GRIN2C: variants seen among roughly 807,000 people sequenced by gnomAD.
GRIN2C encodes the protein glutamate receptor ionotropic, NMDA 2C.
A neutral mutation model predicts 77.7 loss-of-function variants in GRIN2C; 64 were observed. That is an observed-to-expected ratio of 0.82 (90% CI 0.67 to 1.01). The LOEUF is 1.01. Ranked by LOEUF, GRIN2C falls within the 50% of genes least tolerant of loss-of-function variation. The pLI is 0.00. For missense variants in GRIN2C, 1,549 were observed against 1,486.0 expected, an observed-to-expected ratio of 1.04 and a Z score of -0.70; for synonymous variants, 792 against 643.4, an observed-to-expected ratio of 1.23 and a Z score of -3.49.
chr17:74,846,282 G>C lies in GRIN2C; in HGVS notation c.2163-29C>G, dbSNP rs1430889308. Reference sequence around the variant, plus strand: ...GGGACAGGCTGAGCCTCAGAGCTAGGGACCATATGGGAGGGGAGGGGACAC... The same window carrying C: ...GGGACAGGCTGAGCCTCAGAGCTAGCGACCATATGGGAGGGGAGGGGACAC... On this transcript the variant is annotated intron_variant, in intron 10 of 12. Coordinates refer to ENST00000293190, the MANE Select transcript of GRIN2C (RefSeq NM_000835.6). The surrounding 1 kb of genome is among the most constrained non-coding windows in gnomAD (Gnocchi z 4.4). 3 of 1,600,668 alleles carry C rather than the reference G, an allele frequency of 1.9e-6. No homozygotes were observed. The African/African-American group carries it at 4.0e-5, about 21-fold the overall frequency.
Position 74,854,925 on chromosome 17 carries a change from C to T in GRIN2C, c.168G>A (p.Leu56=), listed in dbSNP as rs2037771607. 6.2e-7 allele frequency: 1 copy of T among 1,613,664 alleles called. No homozygotes were observed. The highest frequency in any genetic ancestry group is 1.3e-5 in the African/African-American group (1 of 75,048). The change falls in exon 2 of 13, where the codon CTG becomes CTA. Residue 56 remains leucine, a synonymous_variant. Transcript: ENST00000293190. ...FRARLTPQSF[L]DLPLEIQPLT... The stretch of plus-strand genomic sequence containing the variant: ...GCGGCTGGATCTCCAGGGGTAGGTC[C>T]AGGAAGCTCTGGGGGGTGAGGCGGG...
intron 2 of GRIN2C, chr17:74,854,190 T>A (rs1365288643): frequency 6.5e-6 from 1 of 153,446 alleles, no homozygotes; most frequent in African/African-American, 2.4e-5. Context: ...CCTGTGTCTT[T>A]CCTTCAGAAC....
At chr17:74,861,270 C>T (rs1389555369), upstream of GRIN2C, among the ~76,000 whole-genome samples, 2 of 152,158 alleles carry the variant, frequency 1.3e-5, no homozygotes, top group African/African-American at 4.8e-5. Context: ...GGGTCCGGGT[C>T]CTCCAGCCGC....
chr17:74,843,762 C>G (rs1178990466), intron 12 of GRIN2C, among the ~76,000 whole-genome samples: 1 of 152,166 alleles, frequency 6.6e-6, no homozygotes, highest in African/African-American at 2.4e-5. Flanking sequence ...CCTAATCACT[C>G]TAGCTAGCAC....
chr17:74,859,313 T>C lies in GRIN2C; in HGVS notation c.-16+431A>G, dbSNP rs1598501985. ...CAGCATCTAGAAGGGTCTGAGCACC[T>C]TCCCAGGCTGGGGGCCTTCTCCTTC... On this transcript the variant is annotated intron_variant, in intron 1 of 12. Coordinates refer to ENST00000293190, the MANE Select transcript of GRIN2C (RefSeq NM_000835.6). The surrounding 1 kb of genome is among the most constrained non-coding windows in gnomAD (Gnocchi z 5.9). Among the ~76,000 whole-genome samples the C allele has an allele frequency of 6.6e-6, 1 of 152,236 alleles. No individual in the cohort carries two copies. Among genetic ancestry groups the C allele is most frequent in the East Asian group, 1.9e-4 (1 of 5,168 alleles).
At chr17:74,844,071 G>A (rs984370668) in intron 12 of GRIN2C, 13 of 1,037,356 alleles carry the variant, frequency 1.3e-5, no homozygotes, top group East Asian at 5.3e-5. Context: ...ATGGGTTTTC[G>A]CCATGTTGCC....
chr17:74,860,514 G>A (rs567584406), upstream of GRIN2C: 30 of 456,324 alleles, frequency 6.6e-5, no homozygotes, highest in African/African-American at 5.8e-4. Context: ...CCTTTGCTCC[G>A]CGTGTCCCCG....
Position 74,852,463 on chromosome 17 carries a change from C to T in GRIN2C, c.548G>A (p.Arg183His), listed in dbSNP as rs756711693. ...PGHALFLEGVRAVADASHVSW... is the reference protein window; with the variant it reads ...PGHALFLEGVHAVADASHVSW... ...CACGTGGCTGGCGTCGGCGACGGCG[C>T]GCACGCCCTCCAGGAAGAGCGCGTG... The change falls in exon 3 of 13, where the codon CGC (arginine) becomes CAC (histidine). Residue 183 changes from arginine (R) to histidine (H), a missense_variant. This residue lies in a region of GRIN2C where 382 missense variants were observed against 360.0 expected (regional missense o/e 1.06). Coordinates refer to ENST00000293190, the MANE Select transcript of GRIN2C (RefSeq NM_000835.6). The T allele has an allele frequency of 1.4e-5, 21 of 1,552,188 alleles. No homozygotes were observed. In the East Asian group the frequency reaches 5.3e-4, roughly 39 times the overall value.
upstream of GRIN2C, among the ~76,000 whole-genome samples, chr17:74,861,007 G>A (rs562696054): frequency 2.0e-5 from 3 of 152,184 alleles, no homozygotes; most frequent in South Asian, 2.1e-4. Flanking sequence ...CCCCACTCCC[G>A]GCCCTGTTCC....
Position 74,842,991 on chromosome 17 carries a change from A to AGCTCCGGTG in GRIN2C, c.3145_3146insCACCGGAGC (p.Glu1048_Leu1049insProProGlu), listed in dbSNP as rs139495021. ...CGGACCGAGCAGCGGCAGGTCCTCC[A>AGCTCCGGTG]GCTCCGGGAAGAGCGGGAGGAAGGG... On this transcript the variant is annotated inframe_insertion, in exon 13 of 13. Transcript: ENST00000293190. 2.7e-4 allele frequency: 137 copies of AGCTCCGGTG among 510,950 alleles called. 6 individuals carry two copies. In the South Asian group the frequency reaches 3.5e-3, roughly 13 times the overall value. 31.7% of individuals were successfully genotyped at this position (510,950 alleles called of 1,614,324 possible). A position where few individuals can be genotyped will look rare whatever the true frequency, so the allele number is the denominator to read the frequency against.
In GRIN2C at chr17:74,851,691, C is replaced by T. The variant is rs775975417; in HGVS notation, c.999G>A (p.Arg333=). The change falls in exon 4 of 13, where the codon AGG becomes AGA. Residue 333 remains arginine (R), a splice_region_variant and synonymous_variant. Coordinates refer to ENST00000293190, the MANE Select transcript of GRIN2C (RefSeq NM_000835.6). ...PVSPAREAFY[R]HLLNVTWEGR... Reference sequence around the variant, plus strand: ...CCTCCCAGGTGACATTCAGTAGGTGCCTGCCAGAGGGGAGAGATGCCTGCA... The same window carrying T: ...CCTCCCAGGTGACATTCAGTAGGTGTCTGCCAGAGGGGAGAGATGCCTGCA... 9 of 1,545,624 alleles carry T rather than the reference C, an allele frequency of 5.8e-6. No homozygotes were observed. Among genetic ancestry groups the T allele is most frequent in the Non-Finnish European group, 7.9e-6 (9 of 1,139,266 alleles).
intron 1 of GRIN2C, among the ~76,000 whole-genome samples, chr17:74,858,970 G>A (rs1490120094): frequency 1.3e-5 from 2 of 152,108 alleles, no homozygotes; most frequent in African/African-American, 2.4e-5. Context: ...CTAGGCGCAG[G>A]GACTGCGGCC....
chr17:74,843,874 C>CTTTTT (rs60038024), intron 12 of GRIN2C, among the ~76,000 whole-genome samples: 6 of 139,728 alleles, frequency 4.3e-5, no homozygotes, highest in African/African-American at 1.6e-4. Flanking sequence ...AGGACGTTGG[C>CTTTTT]TTTTTTTTTT....
In GRIN2C at chr17:74,842,668, GGTGGGC is replaced by G. The variant is rs780423227; in HGVS notation, c.3463_3468del (p.Ala1155_His1156del). On this transcript the variant is annotated inframe_deletion, in exon 13 of 13. Coordinates refer to ENST00000293190, the MANE Select transcript of GRIN2C (RefSeq NM_000835.6). ...CAGACAGCCCCCCAGCAAAATGGCA[GGTGGGC>G]GTGGGCGTGCAGGCAGACGTGCTGT... 4.2e-5 allele frequency: 31 copies of G among 738,386 alleles called. No individual in the cohort carries two copies. Among genetic ancestry groups the G allele is most frequent in the East Asian group, 2.1e-4 (8 of 38,804 alleles). 45.7% of individuals were successfully genotyped at this position (738,386 alleles called of 1,614,324 possible).
intron 11 of GRIN2C, 65 bp from the exon 12 acceptor site, chr17:74,844,573 C>T (rs1404517798): frequency 5.7e-6 from 9 of 1,571,324 alleles, no homozygotes; most frequent in Non-Finnish European, 6.9e-6. Context: ...CCTCACAAAG[C>T]TCACCACAAA....
chr17:74,849,140 C>T lies in GRIN2C; in HGVS notation c.1645+640G>A, dbSNP rs2037552387. ...AAGTGGTTTTTTTTTTCCTCTCTTC[C>T]GTGGCTGAGGAGCCTGCTCAGAGAG... On this transcript the variant is annotated intron_variant, in intron 7 of 12. Coordinates refer to ENST00000293190, the MANE Select transcript of GRIN2C (RefSeq NM_000835.6). This position sits in a 1 kb window ranked among gnomAD's most constrained non-coding sequence, Gnocchi z 4.6. 2.1e-5 allele frequency among the ~76,000 whole-genome samples: 3 copies of T among 140,844 alleles called. No individual in the cohort carries two copies. Among genetic ancestry groups the T allele is most frequent in the African/African-American group, 5.0e-5 (2 of 39,874 alleles). 92.4% of individuals were successfully genotyped at this position (140,844 alleles called of 152,430 possible). A position where few individuals can be genotyped will look rare whatever the true frequency, so the allele number is the denominator to read the frequency against.
At chr17:74,855,361 G>C (rs1314102222) in intron 1 of GRIN2C, among the ~76,000 whole-genome samples, 5 of 152,200 alleles carry the variant, frequency 3.3e-5, no homozygotes, top group Non-Finnish European at 7.3e-5. Flanking sequence ...CCATGACCGG[G>C]ACCCAGCCCT....
rs758484197 is a variant in GRIN2C, at chr17:74,842,645, G to C, written c.3492C>G (p.Val1164=). 3 of 751,798 alleles carry C rather than the reference G, an allele frequency of 4.0e-6. No homozygotes were observed. Among genetic ancestry groups the C allele is most frequent in the Non-Finnish European group, 7.4e-6 (3 of 403,972 alleles). 46.6% of individuals were successfully genotyped at this position (751,798 alleles called of 1,614,324 possible). A position where few individuals can be genotyped will look rare whatever the true frequency, so the allele number is the denominator to read the frequency against. ...HAHLPFCWGA[V]CPHLPPCASH... ...TGGCACAGGGTGGAAGGTGAGGACA[G>C]ACAGCCCCCCAGCAAAATGGCAGGT... Residue 1164 remains valine (V), a synonymous_variant, in exon 13 of 13, where the codon GTC becomes GTG. Transcript: ENST00000293190.
Position 74,847,616 on chromosome 17 carries a change from C to T in GRIN2C, c.1772-79G>A. 9.0e-7 allele frequency: 1 copy of T among 1,112,646 alleles called. No individual in the cohort carries two copies. Among genetic ancestry groups the T allele is most frequent in the Non-Finnish European group, 1.3e-6 (1 of 757,656 alleles). The allele number at this position is 1,112,646 out of a possible 1,614,324, so 68.9% of individuals were successfully genotyped here. ...GCTCAGGGCTCAGCCCACCCGACTGCACAGCTCCGGTCTCAGCCTGGCCTT... is the reference window on the plus strand; with the variant it reads ...GCTCAGGGCTCAGCCCACCCGACTGTACAGCTCCGGTCTCAGCCTGGCCTT... On this transcript the variant is annotated intron_variant, in intron 8 of 12. Transcript: ENST00000293190. The surrounding 1 kb of genome is among the most constrained non-coding windows in gnomAD (Gnocchi z 5.2).
Sources: allele counts gnomAD v4.1 joint callset (sites outside exome capture counted in the v4.1 genomes callset), GRCh38; gene constraint gnomAD v4.1.1; regional missense constraint gnomAD v4.1.1; non-coding constraint Gnocchi (gnomAD v3.1); transcripts MANE v1.5; gene names NCBI Gene and HGNC (gene_info 2026-07-23, HGNC 2026-07-21).